TNFRSF1B: variants seen among roughly 807,000 people sequenced by gnomAD.
TNFRSF1B encodes tumor necrosis factor receptor superfamily member 1B.
In TNFRSF1B, 19 loss-of-function variants were observed where a neutral mutation model predicts 44.6. The observed-to-expected ratio is 0.43, with a 90% CI of 0.30 to 0.62. TNFRSF1B has a LOEUF of 0.62. Among genes scored for constraint, TNFRSF1B ranks in the 20% least tolerant of loss-of-function variants. The probability of loss-of-function intolerance (pLI) is 0.16; values close to 1 mark genes in which losing one functional copy is unlikely to be tolerated. For synonymous variants in TNFRSF1B, 252 were observed against 261.1 expected, an observed-to-expected ratio of 0.97 and a Z score of 0.34; for missense variants, 541 against 619.9, an observed-to-expected ratio of 0.87 and a Z score of 1.35.
rs1557629058 is a variant in TNFRSF1B at position 12,183,715 on chromosome 1, A to AGCTAT, written c.79-5081_79-5080insGCTAT. On this transcript the variant is annotated intron_variant, in intron 1 of 9. Coordinates refer to ENST00000376259, the MANE Select transcript of TNFRSF1B (RefSeq NM_001066.3). The stretch of plus-strand genomic sequence containing the variant: ...ATCTATCTATCTATCTATCTATTCT[A>AGCTAT]TCTACCTATCTATCTATCTATCTAT... 1.2e-3 allele frequency among the ~76,000 whole-genome samples: 122 copies of AGCTAT among 103,366 alleles called. 3 individuals carry two copies. The highest frequency in any genetic ancestry group is 3.7e-3 in the African/African-American group (108 of 28,806). 67.8% of individuals were successfully genotyped at this position (103,366 alleles called of 152,430 possible).
At chr1:12,206,606 TG>T in intron 9 of TNFRSF1B, 133 bp from the exon 10 acceptor site, 2 of 948,866 alleles carry the variant, frequency 2.1e-6, no homozygotes, top group Non-Finnish European at 3.0e-6. Context: ...ACAGCAGAGC[TG>T]GGCTAGAATC....
chr1:12,182,553 G>A (rs1336171063), intron 1 of TNFRSF1B, among the ~76,000 whole-genome samples: 2 of 150,120 alleles, frequency 1.3e-5, no homozygotes, highest in African/African-American at 4.9e-5. Flanking sequence ...TGGGTGCTCA[G>A]CACGTCTGTT....
intron 1 of TNFRSF1B, among the ~76,000 whole-genome samples, chr1:12,185,776 G>GA (rs1638972759): frequency 6.6e-6 from 1 of 152,224 alleles, no homozygotes; most frequent in Non-Finnish European, 1.5e-5. Context: ...CCCAGCCCGT[G>GA]GTTGAGACTA....
chr1:12,183,724 T>TTCTATCTAC (rs1638891145), intron 1 of TNFRSF1B, among the ~76,000 whole-genome samples: 11 of 100,060 alleles, frequency 1.1e-4, no homozygotes, highest in East Asian at 2.6e-4. Flanking sequence ...TATCTACCTA[T>TTCTATCTAC]CTATCTATCT....
At chr1:12,197,829 A>G (rs1639298341) in intron 8 of TNFRSF1B, among the ~76,000 whole-genome samples, 1 of 152,160 alleles carries the variant, frequency 6.6e-6, no homozygotes, top group African/African-American at 2.4e-5. Flanking sequence ...CTTTGTTTAG[A>G]AAACACCAAC....
rs1442470381 is a variant in TNFRSF1B at position 12,182,277 on chromosome 1, G to A, written c.79-6519G>A. On this transcript the variant is annotated intron_variant, in intron 1 of 9. Coordinates refer to ENST00000376259, the MANE Select transcript of TNFRSF1B (RefSeq NM_001066.3). ...ATGACTGGCATGAAGCAGGCTTCTA[G>A]TAGATGCTCTACTGCTGCTTTCGTT... Among the ~76,000 whole-genome samples the A allele has an allele frequency of 2.0e-5, 3 of 152,334 alleles. No homozygotes were observed. The East Asian group carries it at 5.8e-4, about 29-fold the overall frequency.
intron 1 of TNFRSF1B, among the ~76,000 whole-genome samples, chr1:12,183,740 T>TAGCTAG (rs1638894437): frequency 7.6e-6 from 1 of 131,088 alleles, no homozygotes; most frequent in Non-Finnish European, 1.7e-5. Context: ...TATCTATCTA[T>TAGCTAG]CTATCTATCT....
rs575469521 is a variant in TNFRSF1B, at chr1:12,206,675, C to A, written c.1106-65C>A. 27 of 1,478,144 alleles carry A rather than the reference C, an allele frequency of 1.8e-5. No homozygotes were observed. In the South Asian group the frequency reaches 3.5e-4, roughly 19 times the overall value. The allele number at this position is 1,478,144 out of a possible 1,614,324, so 91.6% of individuals were successfully genotyped here. On this transcript the variant is annotated intron_variant, in intron 9 of 9. Coordinates refer to ENST00000376259, the MANE Select transcript of TNFRSF1B (RefSeq NM_001066.3). Reference sequence around the variant, plus strand: ...CATGTGTCTGAATCTGCATCTTGGGCAGGGGTCCCTGGGCCCCACTCCTGG... The same window carrying A: ...CATGTGTCTGAATCTGCATCTTGGGAAGGGGTCCCTGGGCCCCACTCCTGG...
At position 12,177,288 on chromosome 1, in the gene TNFRSF1B, G is replaced by A. The variant is rs1026372957; in HGVS notation, c.78+10119G>A. On this transcript the variant is annotated intron_variant, in intron 1 of 9. Transcript: ENST00000376259. This position sits in a 1 kb window ranked among gnomAD's most constrained non-coding sequence, Gnocchi z 4.3. Reference sequence around the variant, plus strand: ...TCCCAGAGTGCTGGGATTACAGGCGGGAGCCACCGTGCCCGGCCCCAGTGG... The same window carrying A: ...TCCCAGAGTGCTGGGATTACAGGCGAGAGCCACCGTGCCCGGCCCCAGTGG... Among the ~76,000 whole-genome samples, 1 of 152,110 alleles carries A rather than the reference G, an allele frequency of 6.6e-6. No individual in the cohort carries two copies. The highest frequency in any genetic ancestry group is 2.4e-5 in the African/African-American group (1 of 41,436).
chr1:12,192,432 A>G lies in TNFRSF1B; in HGVS notation c.459A>G (p.Gly153=). ...ACAAGTTCGGATTGTTCCCTGAAGG[A>G]ACTGAAACATCAGACGTGGTGTGCA... ...CRPGFGVARP[G]TETSDVVCKP... Residue 153 remains glycine, a splice_region_variant and synonymous_variant, in exon 5 of 10, where the codon GGA becomes GGG. Transcript: ENST00000376259. 6.2e-7 allele frequency: 1 copy of G among 1,614,036 alleles called. No homozygotes were observed. Among genetic ancestry groups the G allele is most frequent in the Non-Finnish European group, 8.5e-7 (1 of 1,179,966 alleles).
chr1:12,193,027 C>T lies in TNFRSF1B; in HGVS notation c.716C>T (p.Thr239Ile), dbSNP rs150329910. ...PTPEPSTAPSTSFLLPMGPSP... is the reference protein window; with the variant it reads ...PTPEPSTAPSISFLLPMGPSP... ...CCAGAACCCAGCACTGCTCCAAGCA[C>T]CTCCTTCCTGCTCCCAATGGGCCCC... is the stretch of plus-strand genomic sequence containing the variant. The change falls in exon 6 of 10, where the codon ACC (threonine) becomes ATC (isoleucine). Residue 239 changes from threonine to isoleucine, a missense_variant. Thr to Ile is a moderately conservative substitution (Grantham distance 89, BLOSUM62 -1). Transcript: ENST00000376259. The T allele has an allele frequency of 7.4e-6, 12 of 1,614,110 alleles. No homozygotes were observed. Among genetic ancestry groups the T allele is most frequent in the Non-Finnish European group, 1.0e-5 (12 of 1,180,050 alleles).
At chr1:12,189,213 G>T (rs1270896765) in intron 2 of TNFRSF1B, among the ~76,000 whole-genome samples, 1 of 152,174 alleles carries the variant, frequency 6.6e-6, no homozygotes, top group Admixed American at 6.5e-5. Context: ...AGCTCCTGGG[G>T]GAGTCAGGGA....
intron 1 of TNFRSF1B, among the ~76,000 whole-genome samples, chr1:12,170,590 G>A (rs1570119775): frequency 1.3e-5 from 2 of 152,310 alleles, no homozygotes; most frequent in South Asian, 2.1e-4. Flanking sequence ...TAGCAGGGAC[G>A]GTTGTGCGTG....
chr1:12,184,849 A>C (rs1638944284), intron 1 of TNFRSF1B, among the ~76,000 whole-genome samples: 1 of 152,148 alleles, frequency 6.6e-6, no homozygotes, highest in Non-Finnish European at 1.5e-5. Context: ...GTGGGGATGA[A>C]GCCCGCGGGA....
chr1:12,203,658 T>C (rs1639439297), intron 9 of TNFRSF1B, among the ~76,000 whole-genome samples: 2 of 152,080 alleles, frequency 1.3e-5, no homozygotes, highest in African/African-American at 2.4e-5. Flanking sequence ...CACTGTTGAA[T>C]GAATGAATGA....
chr1:12,182,076 G>A (rs376192120), intron 1 of TNFRSF1B, among the ~76,000 whole-genome samples: 3 of 152,208 alleles, frequency 2.0e-5, no homozygotes, highest in East Asian at 1.9e-4. Context: ...GGGTAGGGGC[G>A]GGCCTTGGGG....
At chr1:12,194,423 G>A (rs1639220637) in intron 7 of TNFRSF1B, among the ~76,000 whole-genome samples, 161 bp from the exon 8 acceptor site, 1 of 152,102 alleles carries the variant, frequency 6.6e-6, no homozygotes, top group Non-Finnish European at 1.5e-5. Flanking sequence ...GGTGGCAGGT[G>A]GAGTTGGGTG....
Position 12,202,039 on chromosome 1 carries a change from A to T in TNFRSF1B, c.973A>T (p.Ser325Cys). ...EQQHLLITAP[S>C]SSSSSLESSA... is the part of the protein sequence containing the mutation. Reference sequence around the variant, plus strand: ...GCAGCACCTGCTGATCACAGCGCCGAGCTCCAGCAGCAGCTCCCTGGAGAG... The same window carrying T: ...GCAGCACCTGCTGATCACAGCGCCGTGCTCCAGCAGCAGCTCCCTGGAGAG... Residue 325 changes from serine (S) to cysteine (C), a missense_variant, in exon 9 of 10, where the codon AGC (serine) becomes TGC (cysteine). Ser to Cys is a moderately radical substitution (Grantham distance 112, BLOSUM62 -1). Coordinates refer to ENST00000376259, the MANE Select transcript of TNFRSF1B (RefSeq NM_001066.3). 1 of 1,611,354 alleles carries T rather than the reference A, an allele frequency of 6.2e-7. No individual in the cohort carries two copies. The highest frequency in any genetic ancestry group is 1.7e-4 in the Middle Eastern group (1 of 6,050).
At position 12,187,899 on chromosome 1, in the gene TNFRSF1B, CT is replaced by C. The variant is rs1469371137; in HGVS notation, c.79-895del. ...TGAATTGTACCAGGGTGGGTCCCAC[CT>C]TGAGGCTGTGGAGCATTCATTATCA... is the stretch of plus-strand genomic sequence containing the variant. On this transcript the variant is annotated intron_variant, in intron 1 of 9. Transcript: ENST00000376259. The surrounding 1 kb of genome is among the most constrained non-coding windows in gnomAD (Gnocchi z 5.5). Among the ~76,000 whole-genome samples, 1 of 152,094 alleles carries C rather than the reference CT, an allele frequency of 6.6e-6. No individual in the cohort carries two copies. Among genetic ancestry groups the C allele is most frequent in the Non-Finnish European group, 1.5e-5 (1 of 68,004 alleles).
Sources: allele counts gnomAD v4.1 joint callset (sites outside exome capture counted in the v4.1 genomes callset), GRCh38; gene constraint gnomAD v4.1.1; non-coding constraint Gnocchi (gnomAD v3.1); transcripts MANE v1.5; gene names NCBI Gene and HGNC (gene_info 2026-07-23, HGNC 2026-07-21).